Variants in EYS observed in about 807,000 individuals in gnomAD.
EYS encodes protein eyes shut homolog.
EYS carries 250 observed loss-of-function variants against 282.1 expected under a neutral mutation model. The ratio of observed to expected loss-of-function variants is 0.89; its 90% confidence interval spans 0.80 to 0.98. EYS has a LOEUF of 0.98. Among genes scored for constraint, EYS ranks in the 50% least tolerant of loss-of-function variants. EYS has a pLI of 0.00. For missense variants in EYS, 4,016 were observed against 3,709.0 expected (o/e 1.08, Z -2.15); for synonymous variants, 1,355 against 1,282.9 (o/e 1.06, Z -1.20).
chr6:64,452,256 C>T (rs989163655), intron 26 of EYS, among the ~76,000 whole-genome samples: 12 of 151,994 alleles, frequency 7.9e-5, no homozygotes, highest in Admixed American at 2.0e-4. Context: ...CTCCCATTCA[C>T]AATTGCTTCA....
chr6:64,114,705 A>G (rs1381767847), intron 31 of EYS, among the ~76,000 whole-genome samples: 3 of 152,108 alleles, frequency 2.0e-5, no homozygotes, highest in Non-Finnish European at 4.4e-5. Flanking sequence ...AACAGCCACC[A>G]TAGTAGGTGT....
intron 12 of EYS, among the ~76,000 whole-genome samples, chr6:65,290,594 T>C (rs1371271012): frequency 6.6e-6 from 1 of 151,310 alleles, no homozygotes; most frequent in Non-Finnish European, 1.5e-5. Flanking sequence ...TTTATCTCAC[T>C]TTATTTAAAA....
intron 41 of EYS, among the ~76,000 whole-genome samples, chr6:63,755,268 G>GTTTAAT (rs1562010843): frequency 7.2e-5 from 11 of 151,810 alleles, no homozygotes; most frequent in African/African-American, 2.4e-4. Context: ...CTTTGCCCAT[G>GTTTAAT]CCTATATCCT....
At chr6:65,020,464 T>G (rs1561925024) in intron 13 of EYS, among the ~76,000 whole-genome samples, 1 of 152,142 alleles carries the variant, frequency 6.6e-6, no homozygotes, top group Non-Finnish European at 1.5e-5. Context: ...ATGTCTCACA[T>G]CCAGATCACA....
chr6:63,732,963 T>G (rs989890460), intron 41 of EYS, among the ~76,000 whole-genome samples: 2 of 152,102 alleles, frequency 1.3e-5, no homozygotes, highest in African/African-American at 4.8e-5. Flanking sequence ...GAGAAAGGCA[T>G]GTATGCATGT....
chr6:65,064,196 C>A (rs1168830216), intron 12 of EYS, among the ~76,000 whole-genome samples: 4 of 138,176 alleles, frequency 2.9e-5, no homozygotes, highest in East Asian at 4.1e-4. Context: ...ATATAGTATA[C>A]TATATATCAT....
intron 2 of EYS, among the ~76,000 whole-genome samples, chr6:65,540,234 G>A (rs1236195391): frequency 1.3e-5 from 2 of 152,066 alleles, no homozygotes; most frequent in African/African-American, 4.8e-5. Flanking sequence ...TGTATTCTAA[G>A]AAAATGGAAC....
chr6:64,547,504 G>C (rs1017864372), intron 26 of EYS, among the ~76,000 whole-genome samples: 2 of 152,150 alleles, frequency 1.3e-5, no homozygotes, highest in African/African-American at 4.8e-5. Context: ...AGTGTCGATT[G>C]GTGCATTCAC....
chr6:64,551,091 CAT>C (rs1765061174), intron 26 of EYS, among the ~76,000 whole-genome samples: 1 of 151,054 alleles, frequency 6.6e-6, no homozygotes, highest in Non-Finnish European at 1.5e-5. Flanking sequence ...TGGAAAATAA[CAT>C]ATAATTTAAA....
intron 22 of EYS, among the ~76,000 whole-genome samples, chr6:64,672,968 T>C (rs534599377): frequency 1.3e-5 from 2 of 152,288 alleles, no homozygotes; most frequent in African/African-American, 4.8e-5. Flanking sequence ...CAGATAGAGA[T>C]CATTAAAATT....
intron 14 of EYS, among the ~76,000 whole-genome samples, chr6:64,992,084 A>G (rs1771084136): frequency 6.6e-6 from 1 of 151,846 alleles, no homozygotes; most frequent in Non-Finnish European, 1.5e-5. Flanking sequence ...GTGTCTTTTC[A>G]AAAGCAACTC....
chr6:65,130,547 G>A (rs1423297457), intron 12 of EYS, among the ~76,000 whole-genome samples: 12 of 151,894 alleles, frequency 7.9e-5, no homozygotes, highest in South Asian at 6.2e-4. Context: ...AAGTAACACA[G>A]GAACAGAAAA....
chr6:65,528,906 A>T (rs1373674173), intron 2 of EYS, among the ~76,000 whole-genome samples: 2 of 152,218 alleles, frequency 1.3e-5, no homozygotes, highest in African/African-American at 4.8e-5. Context: ...TTTTCTTGGC[A>T]AGCTCTGAGA....
chr6:65,084,357 G>C (rs1774307013), intron 12 of EYS, among the ~76,000 whole-genome samples: 1 of 152,040 alleles, frequency 6.6e-6, no homozygotes, highest in Non-Finnish European at 1.5e-5. Flanking sequence ...GAAAATATTA[G>C]AGAAAAGCTA....
At chr6:64,510,876 A>C (rs943154962) in intron 26 of EYS, among the ~76,000 whole-genome samples, 1 of 152,100 alleles carries the variant, frequency 6.6e-6, no homozygotes, top group Admixed American at 6.6e-5. Flanking sequence ...TGCCTGAGAC[A>C]ATTCCACGGA....
intron 15 of EYS, among the ~76,000 whole-genome samples, chr6:64,937,357 ACT>A (rs1768943771): frequency 6.6e-6 from 1 of 151,566 alleles, no homozygotes; most frequent in Middle Eastern, 3.2e-3. Context: ...GAAAAAGATA[ACT>A]CACATAATGG....
intron 22 of EYS, among the ~76,000 whole-genome samples, chr6:64,704,542 T>G (rs1283166625): frequency 6.9e-6 from 1 of 144,668 alleles, no homozygotes; most frequent in Non-Finnish European, 1.5e-5. Context: ...AATAATATTA[T>G]AATTATAATA....
At chr6:64,892,498 T>C (rs1430228771) in intron 18 of EYS, among the ~76,000 whole-genome samples, 1 of 152,050 alleles carries the variant, frequency 6.6e-6, no homozygotes, top group Non-Finnish European at 1.5e-5. Flanking sequence ...TATGTTAAAG[T>C]AATTCAAATT....
intron 31 of EYS, among the ~76,000 whole-genome samples, chr6:64,092,938 T>G (rs1049193466): frequency 8.0e-5 from 12 of 150,128 alleles, no homozygotes; most frequent in African/African-American, 2.9e-4. Flanking sequence ...GTATAAGGTG[T>G]AAGGAAGGGA....
Sources: allele counts gnomAD v4.1 joint callset (sites outside exome capture counted in the v4.1 genomes callset), GRCh38; gene constraint gnomAD v4.1.1; transcripts MANE v1.5; gene names NCBI Gene and HGNC (gene_info 2026-07-23, HGNC 2026-07-21).